ATP2B1: variants seen among roughly 807,000 people sequenced by gnomAD.
The protein encoded by ATP2B1 is ATPase plasma membrane Ca2+ transporting 1.
Under a neutral mutation model 124.2 loss-of-function variants are expected in ATP2B1, and 14 were observed. The ratio of observed to expected loss-of-function variants is 0.11; its 90% confidence interval spans 0.07 to 0.18. The LOEUF is 0.18. Ranked by LOEUF, ATP2B1 falls within the 10% of genes least tolerant of loss-of-function variation. The pLI is 1.00. For synonymous variants in ATP2B1, 449 were observed against 492.4 expected, an observed-to-expected ratio of 0.91 and a Z score of 1.17; for missense variants, 763 against 1,466.1, an observed-to-expected ratio of 0.52 and a Z score of 7.83.
intron 1 of ATP2B1, among the ~76,000 whole-genome samples, chr12:89,705,487 A>G (rs1214553316): frequency 1.3e-5 from 2 of 152,168 alleles, no homozygotes; most frequent in Non-Finnish European, 2.9e-5. Context: ...TGTAAAATGT[A>G]AGGGAAAAAA....
rs145166938 is a variant in ATP2B1 at position 89,695,058 on chromosome 12, C to A, written c.-222+13538G>T. Among the ~76,000 whole-genome samples, 194 of 111,084 alleles carry A rather than the reference C, an allele frequency of 1.7e-3. 1 individual carries two copies. The highest frequency in any genetic ancestry group is 4.9e-3 in the Middle Eastern group (1 of 204). The allele number at this position is 111,084 out of a possible 152,430, so 72.9% of individuals were successfully genotyped here. ...GGGCGACAAGAGCAAGATGCTGTTTCAAAAAAAAAAAAAGAAAAGAATTAT... is the reference window on the plus strand; with the variant it reads ...GGGCGACAAGAGCAAGATGCTGTTTAAAAAAAAAAAAAAGAAAAGAATTAT... On this transcript the variant is annotated intron_variant, in intron 1 of 20. Coordinates refer to ENST00000428670, the MANE Select transcript of ATP2B1 (RefSeq NM_001366521.1).
At position 89,620,160 on chromosome 12, in the gene ATP2B1, TA is replaced by T; in HGVS notation, c.1667del (p.Leu556Ter). ...ECALLGLLLDLKRDYQDVRNE... is the reference protein window; with the variant it reads ...ECALLGLLLDXKRDYQDVRNE... ...TTCTAACATCCTGATAATCCCGTTTTAAATCCAAAAGAAGTCCCAACAAGGC... is the reference window on the plus strand; with the variant it reads ...TTCTAACATCCTGATAATCCCGTTTTAATCCAAAAGAAGTCCCAACAAGGC... On this transcript the variant is annotated frameshift_variant, in exon 11 of 21. Transcript: ENST00000428670. LOFTEE classifies it high-confidence loss of function. 6.2e-7 allele frequency: 1 copy of T among 1,614,114 alleles called. No homozygotes were observed. The highest frequency in any genetic ancestry group is 8.5e-7 in the Non-Finnish European group (1 of 1,179,992).
Position 89,655,786 on chromosome 12 carries a change from A to G in ATP2B1, c.101T>C (p.Leu34Pro), listed in dbSNP as rs1432673286. Residue 34 changes from leucine (L) to proline (P), a missense_variant, in exon 2 of 21, where the codon CTG becomes CCG. Physicochemically the swap from Leu to Pro is moderately conservative, Grantham distance 98. This residue lies in a region of ATP2B1 where 93 missense variants were observed against 112.7 expected (regional missense o/e 0.83). Transcript: ENST00000428670. ...GGACCTGAGCTCCATGAGAGCCCGC[A>G]GCTCTGCGAGCGTAATTCCAAAGTC... is the stretch of plus-strand genomic sequence containing the variant. Reference protein sequence around the residue: ...DGDFGITLAELRALMELRSTD... With the variant: ...DGDFGITLAEPRALMELRSTD... 6.2e-7 allele frequency: 1 copy of G among 1,614,220 alleles called. No individual in the cohort carries two copies. Among genetic ancestry groups the G allele is most frequent in the Non-Finnish European group, 8.5e-7 (1 of 1,180,022 alleles).
chr12:89,610,247 A>T (rs988395049), intron 14 of ATP2B1, among the ~76,000 whole-genome samples, 174 bp downstream of exon 14: 15 of 152,334 alleles, frequency 9.8e-5, no homozygotes, highest in African/African-American at 3.6e-4. Flanking sequence ...TAAACACTTA[A>T]GATAATCACT....
chr12:89,617,580 T>G (rs957483157), intron 11 of ATP2B1, among the ~76,000 whole-genome samples: 17 of 152,208 alleles, frequency 1.1e-4, no homozygotes, highest in Admixed American at 7.2e-4. Context: ...TCAGTGACAC[T>G]ACTACCTTTT....
Position 89,667,581 on chromosome 12 carries a change from TG to T in ATP2B1, c.-221-11475del, listed in dbSNP as rs1887463169. Among the ~76,000 whole-genome samples, 4 of 152,180 alleles carry T rather than the reference TG, an allele frequency of 2.6e-5. No homozygotes were observed. The South Asian group carries it at 8.3e-4, about 31-fold the overall frequency. On this transcript the variant is annotated intron_variant, in intron 1 of 20. Transcript: ENST00000428670. ...CTTATCACTGTCCCCCAACACCTGTTGTTGTTCTCCAAAGTTCTTACCAGTC... is the reference window on the plus strand; with the variant it reads ...CTTATCACTGTCCCCCAACACCTGTTTTGTTCTCCAAAGTTCTTACCAGTC...
intron 2 of ATP2B1, among the ~76,000 whole-genome samples, chr12:89,653,587 G>A (rs1248978131): frequency 2.6e-5 from 4 of 152,218 alleles, no homozygotes; most frequent in South Asian, 4.1e-4. Flanking sequence ...GTGAGCCACC[G>A]CGCCCGGCCT....
At chr12:89,659,921 A>C (rs1380706737) in intron 1 of ATP2B1, among the ~76,000 whole-genome samples, 5 of 150,762 alleles carry the variant, frequency 3.3e-5, no homozygotes, top group East Asian at 3.9e-4. Context: ...GACTCAAAAA[A>C]AAAAAAAAAC....
At chr12:89,605,988 A>G (rs1876776474) in intron 15 of ATP2B1, among the ~76,000 whole-genome samples, 1 of 152,248 alleles carries the variant, frequency 6.6e-6, no homozygotes, top group African/African-American at 2.4e-5. Flanking sequence ...AATAAAAATT[A>G]AAAGAAAGCA....
chr12:89,689,635 C>A (rs2136712606), intron 1 of ATP2B1, among the ~76,000 whole-genome samples: 1 of 152,192 alleles, frequency 6.6e-6, no homozygotes, highest in Admixed American at 6.5e-5. Context: ...CCACATCTGG[C>A]CCATATTTAA....
intron 20 of ATP2B1, chr12:89,594,186 G>C (rs1424218174): frequency 1.3e-5 from 2 of 152,112 alleles, no homozygotes; most frequent in South Asian, 2.1e-4. Context: ...CATCGAACCA[G>C]AGTTGTTTTA....
chr12:89,635,864 C>T (rs1214806989), intron 3 of ATP2B1, among the ~76,000 whole-genome samples: 1 of 152,114 alleles, frequency 6.6e-6, no homozygotes, highest in Non-Finnish European at 1.5e-5. Flanking sequence ...AGGCTAGGTG[C>T]CAGACACTAT....
chr12:89,693,585 G>T lies in ATP2B1; in HGVS notation c.-222+15011C>A, dbSNP rs565229352. 2.8e-4 allele frequency among the ~76,000 whole-genome samples: 35 copies of T among 126,630 alleles called. 1 individual carries two copies. Among genetic ancestry groups the T allele is most frequent in the African/African-American group, 1.0e-3 (35 of 34,348 alleles). The allele number at this position is 126,630 out of a possible 152,430, so 83.1% of individuals were successfully genotyped here. ...ATTGTCCATGCCTATTAAGTTTTGT[G>T]AATTCTTATTTTTTACTTTAAAAAC... On this transcript the variant is annotated intron_variant, in intron 1 of 20. Coordinates refer to ENST00000428670, the MANE Select transcript of ATP2B1 (RefSeq NM_001366521.1).
chr12:89,667,779 G>C (rs1221060760), intron 1 of ATP2B1, among the ~76,000 whole-genome samples: 1 of 152,184 alleles, frequency 6.6e-6, no homozygotes, highest in East Asian at 1.9e-4. Context: ...TCATGGATTG[G>C]AAGAATCAGG....
At chr12:89,627,593 C>T in intron 7 of ATP2B1, 85 bp downstream of exon 7, 1 of 1,462,378 alleles carries the variant, frequency 6.8e-7, no homozygotes, top group Non-Finnish European at 9.5e-7. Context: ...CCACATGTAT[C>T]TTACTTTTGA....
At chr12:89,649,476 C>T (rs1054424347) in intron 2 of ATP2B1, among the ~76,000 whole-genome samples, 1 of 152,150 alleles carries the variant, frequency 6.6e-6, no homozygotes, top group African/African-American at 2.4e-5. Flanking sequence ...GCTGATTTTT[C>T]CCTTTTGAAA....
At chr12:89,661,667 C>CA (rs1031255452) in intron 1 of ATP2B1, among the ~76,000 whole-genome samples, 2 of 152,124 alleles carry the variant, frequency 1.3e-5, no homozygotes, top group African/African-American at 4.8e-5. Flanking sequence ...ATTTGACTAA[C>CA]AAAGAACTAA....
At chr12:89,635,293 A>C in intron 3 of ATP2B1, 42 bp from the exon 4 acceptor site, 1 of 1,587,866 alleles carries the variant, frequency 6.3e-7, no homozygotes. Flanking sequence ...AAGATTCTGA[A>C]TTGATGACAA....
intron 5 of ATP2B1, among the ~76,000 whole-genome samples, chr12:89,632,997 G>T (rs541576793): frequency 6.6e-6 from 1 of 152,234 alleles, no homozygotes; most frequent in East Asian, 1.9e-4. Flanking sequence ...AAAAGTCCAT[G>T]CAGTATACAT....
Sources: gnomAD v4.1 joint callset for allele counts (sites outside exome capture counted in the v4.1 genomes callset) on GRCh38, gnomAD v4.1.1 for gene constraint, gnomAD v4.1.1 regional missense constraint, MANE v1.5 for transcripts, NCBI Gene and HGNC (gene_info 2026-07-23, HGNC 2026-07-21) for gene names.